PAX5: variants seen among roughly 807,000 people sequenced by gnomAD.
PAX5 encodes paired box protein Pax-5.
A neutral mutation model predicts 43.7 loss-of-function variants in PAX5; 9 were observed. That is an observed-to-expected ratio of 0.21 (90% confidence interval 0.12 to 0.36). The LOEUF is 0.36. PAX5 is among the 10% of genes least tolerant of loss of function. The pLI is 1.00. For synonymous variants in PAX5, 228 were observed against 214.3 expected (o/e 1.06, Z -0.56); for missense variants, 383 against 532.7 (o/e 0.72, Z 2.77).
intron 7 of PAX5, among the ~76,000 whole-genome samples, chr9:36,912,821 C>T (rs1452325166): frequency 1.3e-5 from 2 of 152,246 alleles, no homozygotes; most frequent in African/African-American, 2.4e-5. Flanking sequence ...CCTTCGGTGG[C>T]TCTTAATCCC....
intron 8 of PAX5, among the ~76,000 whole-genome samples, chr9:36,862,967 A>G (rs948075785): frequency 7.2e-5 from 11 of 152,200 alleles, no homozygotes; most frequent in Non-Finnish European, 1.5e-4. Context: ...TCATTGCACC[A>G]GAGTCACCGG....
intron 8 of PAX5, chr9:36,861,051 G>C (rs1362536390): frequency 1.3e-5 from 2 of 152,502 alleles, no homozygotes; most frequent in African/African-American, 4.8e-5. Context: ...GGGAAGAGGA[G>C]GGGAGGAAAG....
intron 8 of PAX5, among the ~76,000 whole-genome samples, chr9:36,848,060 G>T (rs76361900): frequency 0.051 from 7,748 of 152,234 alleles, 676 homozygotes; most frequent in African/African-American, 0.18. Flanking sequence ...CCCTACTGGA[G>T]GTGACAGGAG....
chr9:37,006,781 A>T (rs922645440), intron 3 of PAX5, among the ~76,000 whole-genome samples: 5 of 151,832 alleles, frequency 3.3e-5, no homozygotes, highest in African/African-American at 1.2e-4. Context: ...TGTAATTTGC[A>T]CCCCCTCTCT....
intron 6 of PAX5, among the ~76,000 whole-genome samples, chr9:36,933,938 G>A (rs1234675569): frequency 6.6e-6 from 1 of 152,138 alleles, no homozygotes; most frequent in African/African-American, 2.4e-5. Context: ...ACTCACTAAT[G>A]TCTGTGCCCA....
intron 1 of PAX5, among the ~76,000 whole-genome samples, chr9:37,023,831 C>T (rs1211484538): frequency 6.6e-6 from 1 of 152,120 alleles, no homozygotes; most frequent in Non-Finnish European, 1.5e-5. Context: ...CAAACAGGGG[C>T]ACAGGGAAAG....
intron 7 of PAX5, among the ~76,000 whole-genome samples, chr9:36,901,810 A>T (rs1175147898): frequency 6.6e-6 from 1 of 152,194 alleles, no homozygotes; most frequent in Non-Finnish European, 1.5e-5. Flanking sequence ...CTGTAAAACG[A>T]GGGTCAAGTC....
chr9:36,874,577 TG>T (rs1014661984), intron 8 of PAX5, among the ~76,000 whole-genome samples: 1 of 152,202 alleles, frequency 6.6e-6, no homozygotes, highest in African/African-American at 2.4e-5. Flanking sequence ...CAAGCACACA[TG>T]GTTCCCAGCC....
At chr9:36,869,963 A>AATGGATGGATGGATGGATGG in intron 8 of PAX5, among the ~76,000 whole-genome samples, 1 of 33,352 alleles carries the variant, frequency 3.0e-5, no homozygotes, top group Admixed American at 3.2e-4. Flanking sequence ...TGGATGGATA[A>AATGGATGGATGGATGGATGG]ATGGATGGAT....
chr9:36,870,684 G>A (rs536195443), intron 8 of PAX5, among the ~76,000 whole-genome samples: 1 of 152,302 alleles, frequency 6.6e-6, no homozygotes, highest in East Asian at 1.9e-4. Context: ...AAAGCTCCTG[G>A]GACTTTAGCC....
chr9:37,001,211 C>T (rs1485596188), intron 5 of PAX5, among the ~76,000 whole-genome samples: 1 of 152,244 alleles, frequency 6.6e-6, no homozygotes, highest in African/African-American at 2.4e-5. Context: ...ATAATGCCCC[C>T]AGGCCAGAAC....
chr9:37,033,848 A>G (rs1480216646), intron 1 of PAX5, 138 bp downstream of exon 1: 2 of 699,950 alleles, frequency 2.9e-6, no homozygotes, highest in Non-Finnish European at 5.1e-6. Flanking sequence ...GTGAAAAAAC[A>G]TAACAAACAC....
chr9:36,975,530 C>T (rs1588126468), intron 5 of PAX5, among the ~76,000 whole-genome samples: 2 of 151,912 alleles, frequency 1.3e-5, no homozygotes, highest in South Asian at 2.1e-4. Context: ...GGACTACAGG[C>T]GCCCGCCACT....
At chr9:36,961,924 C>T (rs956473133) in intron 6 of PAX5, among the ~76,000 whole-genome samples, 1 of 152,210 alleles carries the variant, frequency 6.6e-6, no homozygotes, top group African/African-American at 2.4e-5. Flanking sequence ...AACAGAATTG[C>T]TTTTTCAATA....
chr9:36,882,217 A>G lies in PAX5; in HGVS notation c.911-112T>C. The G allele has an allele frequency of 1.3e-6, 1 of 776,442 alleles. No homozygotes were observed. Among genetic ancestry groups the G allele is most frequent in the Middle Eastern group, 2.4e-4 (1 of 4,210 alleles). 48.1% of individuals were successfully genotyped at this position (776,442 alleles called of 1,614,324 possible). Reference sequence around the variant, plus strand: ...TTGTCACGTTTGGACGCTGAACGGCAATGTGCCCCCAGCTCCCCCCTGTCG... The same window carrying G: ...TTGTCACGTTTGGACGCTGAACGGCGATGTGCCCCCAGCTCCCCCCTGTCG... On this transcript the variant is annotated intron_variant, in intron 7 of 9. Coordinates refer to ENST00000358127, the MANE Select transcript of PAX5 (RefSeq NM_016734.3). This position sits in a 1 kb window ranked among gnomAD's most constrained non-coding sequence, Gnocchi z 4.4.
intron 6 of PAX5, among the ~76,000 whole-genome samples, chr9:36,956,786 G>T (rs1475114674): frequency 6.6e-6 from 1 of 152,172 alleles, no homozygotes; most frequent in South Asian, 2.1e-4. Context: ...TCATCCTTGG[G>T]TCACTTTGAG....
intron 7 of PAX5, among the ~76,000 whole-genome samples, chr9:36,883,125 G>A (rs1826596298): frequency 1.3e-5 from 2 of 152,148 alleles, no homozygotes; most frequent in South Asian, 2.1e-4. Context: ...AAAGATACTC[G>A]GCTGACCTGA....
intron 6 of PAX5, among the ~76,000 whole-genome samples, chr9:36,940,524 G>A (rs1831960340): frequency 6.6e-6 from 1 of 152,088 alleles, no homozygotes; most frequent in African/African-American, 2.4e-5. Context: ...TTGCGCACAC[G>A]ACCCCCAGGA....
At chr9:36,869,133 C>G (rs1245460881) in intron 8 of PAX5, among the ~76,000 whole-genome samples, 1 of 152,200 alleles carries the variant, frequency 6.6e-6, no homozygotes, top group South Asian at 2.1e-4. Flanking sequence ...GGGTTGGAGG[C>G]AGCGGTTGGT....
Sources: allele counts gnomAD v4.1 joint callset (sites outside exome capture counted in the v4.1 genomes callset), GRCh38; gene constraint gnomAD v4.1.1; non-coding constraint Gnocchi (gnomAD v3.1); transcripts MANE v1.5; gene names NCBI Gene and HGNC (gene_info 2026-07-23, HGNC 2026-07-21).